ZNF431: variants seen among roughly 807,000 people sequenced by gnomAD.
The protein encoded by ZNF431 is zinc finger protein 431.
In ZNF431, 34 loss-of-function variants were observed where a neutral mutation model predicts 57.0. The observed-to-expected ratio is 0.60, with a 90% CI of 0.45 to 0.79. The LOEUF (loss-of-function observed/expected upper bound fraction) is 0.79, where lower values mean the gene tolerates loss of function less well. Among genes scored for constraint, ZNF431 ranks in the 30% least tolerant of loss-of-function variants. The pLI, the probability that ZNF431 is intolerant of heterozygous loss-of-function variation, is 0.00. For missense variants in ZNF431, 607 were observed against 667.1 expected (o/e 0.91, Z 0.99); for synonymous variants, 207 against 220.3 (o/e 0.94, Z 0.54).
rs1971303632 is a variant in ZNF431 at position 21,184,248 on chromosome 19, G to A, written c.*214G>A. The A allele has an allele frequency of 4.8e-6, 2 of 415,146 alleles. 1 individual carries two copies. The highest frequency in any genetic ancestry group is 4.0e-5 in the African/African-American group (2 of 49,530). 25.7% of individuals were successfully genotyped at this position (415,146 alleles called of 1,614,324 possible). On this transcript the variant is annotated 3_prime_UTR_variant, in exon 5 of 5. Coordinates refer to ENST00000311048, the MANE Select transcript of ZNF431 (RefSeq NM_133473.4). The stretch of plus-strand genomic sequence containing the variant: ...GCCTGTATTCCCATCTACTCGGGAG[G>A]CTTAGGCAGGATAATCACTTGAACC...
In ZNF431 at chr19:21,195,273, A is replaced by G. The variant is rs1200905076; in HGVS notation, c.*11239A>G. On this transcript the variant is annotated 3_prime_UTR_variant, in exon 5 of 5. Transcript: ENST00000311048. ...TCTGCTGCTTCTTAAGATGCTTTTA[A>G]TGAATAAAATCTGCCTTAAAATTTG... 1 of 152,234 alleles carries G rather than the reference A, an allele frequency of 6.6e-6. No homozygotes were observed. Among genetic ancestry groups the G allele is most frequent in the Admixed American group, 6.5e-5 (1 of 15,282 alleles). 9.4% of individuals were successfully genotyped at this position (152,234 alleles called of 1,614,324 possible).
chr19:21,174,166 CCTT>C (rs1263376093), intron 4 of ZNF431, among the ~76,000 whole-genome samples: 1 of 152,080 alleles, frequency 6.6e-6, no homozygotes, highest in African/African-American at 2.4e-5. Context: ...GCTGTTACAT[CCTT>C]CTTGTACAGT....
chr19:21,153,052 C>T (rs1373558101), intron 2 of ZNF431, among the ~76,000 whole-genome samples: 1 of 152,184 alleles, frequency 6.6e-6, no homozygotes, highest in Non-Finnish European at 1.5e-5. Context: ...ATATGCTAAA[C>T]AAGGGGTGGA....
chr19:21,175,123 G>A (rs989919315), intron 4 of ZNF431, among the ~76,000 whole-genome samples: 5 of 152,078 alleles, frequency 3.3e-5, no homozygotes, highest in African/African-American at 4.8e-5. Flanking sequence ...GCATGATCAC[G>A]ACTCACTGCA....
intron 2 of ZNF431, among the ~76,000 whole-genome samples, chr19:21,161,643 TTTTGTTTG>T (rs957151401): frequency 4.0e-5 from 6 of 151,798 alleles, no homozygotes; most frequent in African/African-American, 9.7e-5. Context: ...CCCAGGTCTG[TTTTGTTTG>T]TTTGTTTGTT....
rs1971518235 is a variant in ZNF431, at chr19:21,191,917, A to G, written c.*7883A>G. On this transcript the variant is annotated 3_prime_UTR_variant, in exon 5 of 5. Transcript: ENST00000311048. ...TATGAAGTATATCACGTATTTCGAT[A>G]GAGGTTGCATTATACCTGTAGGTCA... is the stretch of plus-strand genomic sequence containing the variant. 1 of 152,220 alleles carries G rather than the reference A, an allele frequency of 6.6e-6. No individual in the cohort carries two copies. Among genetic ancestry groups the G allele is most frequent in the African/African-American group, 2.4e-5 (1 of 41,454 alleles). The allele number at this position is 152,220 out of a possible 1,614,324, so 9.4% of individuals were successfully genotyped here. A position where few individuals can be genotyped will look rare whatever the true frequency, so the allele number is the denominator to read the frequency against.
At position 21,195,050 on chromosome 19, in the gene ZNF431, AAC is replaced by A. The variant is rs1405812244; in HGVS notation, c.*11018_*11019del. On this transcript the variant is annotated 3_prime_UTR_variant, in exon 5 of 5. Coordinates refer to ENST00000311048, the MANE Select transcript of ZNF431 (RefSeq NM_133473.4). ...AATGCTGGTGTCAGTGGTTGGGAAT[AAC>A]AACATTTGCAGGCTCATGAGAGCTG... 4 of 152,218 alleles carry A rather than the reference AAC, an allele frequency of 2.6e-5. No homozygotes were observed. The highest frequency in any genetic ancestry group is 2.0e-4 in the Admixed American group (3 of 15,282). 9.4% of individuals were successfully genotyped at this position (152,218 alleles called of 1,614,324 possible).
Position 21,183,955 on chromosome 19 carries a change from A to G in ZNF431, c.1652A>G (p.Gln551Arg), listed in dbSNP as rs1971292260. ...GAAGAATGTGACAATACATTTAACC[A>G]GTCCTCAAACCTTATTAAACAAAAT... Reference protein sequence around the residue: ...NCEECDNTFNQSSNLIKQNNS... With the variant: ...NCEECDNTFNRSSNLIKQNNS... Residue 551 changes from glutamine to arginine, a missense_variant, in exon 5 of 5, where the codon CAG becomes CGG. Coordinates refer to ENST00000311048, the MANE Select transcript of ZNF431 (RefSeq NM_133473.4). The G allele has an allele frequency of 6.2e-7, 1 of 1,607,448 alleles. No individual in the cohort carries two copies. The highest frequency in any genetic ancestry group is 8.5e-7 in the Non-Finnish European group (1 of 1,177,722).
At chr19:21,145,257 C>T (rs1045846563) in intron 2 of ZNF431, among the ~76,000 whole-genome samples, 17 of 152,076 alleles carry the variant, frequency 1.1e-4, no homozygotes, top group Non-Finnish European at 2.2e-4. Context: ...GGGTGGATCA[C>T]GAGGTCAGGA....
chr19:21,172,053 T>C (rs748366948), intron 4 of ZNF431, among the ~76,000 whole-genome samples: 129 of 151,776 alleles, frequency 8.5e-4, no homozygotes, highest in Non-Finnish European at 1.3e-3. Flanking sequence ...AGAAAAACAT[T>C]TTTGTGATTT....
rs1971430570 is a variant in ZNF431 at position 21,188,466 on chromosome 19, C to G, written c.*4432C>G. The G allele has an allele frequency of 6.6e-6, 1 of 152,106 alleles. No homozygotes were observed. Among genetic ancestry groups the G allele is most frequent in the East Asian group, 1.9e-4 (1 of 5,196 alleles). 9.4% of individuals were successfully genotyped at this position (152,106 alleles called of 1,614,324 possible). ...AAGTTAATTTTCTATGATATACTTACAGCACAACTTATATTTCCATGCAGA... is the reference window on the plus strand; with the variant it reads ...AAGTTAATTTTCTATGATATACTTAGAGCACAACTTATATTTCCATGCAGA... On this transcript the variant is annotated 3_prime_UTR_variant, in exon 5 of 5. Transcript: ENST00000311048.
At chr19:21,163,603 C>A (rs1970637978) in intron 2 of ZNF431, among the ~76,000 whole-genome samples, 1 of 152,162 alleles carries the variant, frequency 6.6e-6, no homozygotes, top group Admixed American at 6.5e-5. Context: ...CTCACTGCAA[C>A]CTCTGCCCTC....
intron 3 of ZNF431, 39 bp from the exon 4 acceptor site, chr19:21,167,532 T>C: frequency 7.0e-7 from 1 of 1,438,260 alleles, no homozygotes; most frequent in Non-Finnish European, 9.3e-7. Context: ...AATTAGAGAA[T>C]ATAGGCAAGA....
intron 1 of ZNF431, among the ~76,000 whole-genome samples, chr19:21,142,705 T>G (rs1428619376): frequency 6.6e-6 from 1 of 152,228 alleles, no homozygotes; most frequent in Non-Finnish European, 1.5e-5. Flanking sequence ...GAAAAGACTT[T>G]TATAAAAAGC....
Position 21,190,288 on chromosome 19 carries a change from A to G in ZNF431, c.*6254A>G, listed in dbSNP as rs1296720997. The G allele has an allele frequency of 2.5e-5, 4 of 159,732 alleles. No individual in the cohort carries two copies. The highest frequency in any genetic ancestry group is 4.1e-4 in the South Asian group (2 of 4,910). The allele number at this position is 159,732 out of a possible 1,614,324, so 9.9% of individuals were successfully genotyped here. On this transcript the variant is annotated 3_prime_UTR_variant, in exon 5 of 5. Coordinates refer to ENST00000311048, the MANE Select transcript of ZNF431 (RefSeq NM_133473.4). ...GAACTGTTTATTCTGTATTTTGGCT[A>G]TTGTGAAACAAGTGCTGCAAACAGA... is the stretch of plus-strand genomic sequence containing the variant.
At position 21,162,779 on chromosome 19, in the gene ZNF431, A is replaced by T. The variant is rs948407318; in HGVS notation, c.97-3556A>T. On this transcript the variant is annotated intron_variant, in intron 2 of 4. Transcript: ENST00000311048. The stretch of plus-strand genomic sequence containing the variant: ...GGTAAATGAGAAAAATAAACTGTAT[A>T]TTTTGGGATCCTAATTTTTAAGTTT... The T allele has an allele frequency of 3.0e-6, 3 of 984,618 alleles. No individual in the cohort carries two copies. The African/African-American group carries it at 5.2e-5, about 17-fold the overall frequency. 61.0% of individuals were successfully genotyped at this position (984,618 alleles called of 1,614,324 possible).
rs1405220274 is a variant in ZNF431, at chr19:21,187,216, G to C, written c.*3182G>C. 6.6e-6 allele frequency: 1 copy of C among 152,046 alleles called. No individual in the cohort carries two copies. Among genetic ancestry groups the C allele is most frequent in the Non-Finnish European group, 1.5e-5 (1 of 68,018 alleles). 9.4% of individuals were successfully genotyped at this position (152,046 alleles called of 1,614,324 possible). A position where few individuals can be genotyped will look rare whatever the true frequency, so the allele number is the denominator to read the frequency against. Reference sequence around the variant, plus strand: ...AAGAGAAATTCTGGCAGAGGCAGATGAATCACCTGAGGTCAGGAGTTTGAG... The same window carrying C: ...AAGAGAAATTCTGGCAGAGGCAGATCAATCACCTGAGGTCAGGAGTTTGAG... On this transcript the variant is annotated 3_prime_UTR_variant, in exon 5 of 5. Transcript: ENST00000311048.
chr19:21,145,016 A>C (rs1970042460), intron 2 of ZNF431, among the ~76,000 whole-genome samples: 2 of 152,128 alleles, frequency 1.3e-5, no homozygotes, highest in Admixed American at 1.3e-4. Context: ...AGGAATGGAT[A>C]CTTTTGCTTC....
chr19:21,168,896 T>C (rs1468705793), intron 4 of ZNF431, among the ~76,000 whole-genome samples: 2 of 152,090 alleles, frequency 1.3e-5, no homozygotes, highest in Admixed American at 6.6e-5. Flanking sequence ...CTGTATTTAT[T>C]AGTTTAGACA....
Sources: allele counts gnomAD v4.1 joint callset (sites outside exome capture counted in the v4.1 genomes callset), GRCh38; gene constraint gnomAD v4.1.1; transcripts MANE v1.5; gene names NCBI Gene and HGNC (gene_info 2026-07-23, HGNC 2026-07-21).